Variants in FSHR observed in about 807,000 individuals in gnomAD.
The protein encoded by FSHR is follicle stimulating hormone receptor.
Under a neutral mutation model 52.1 loss-of-function variants are expected in FSHR, and 46 were observed. The observed-to-expected ratio is 0.88, with a 90% CI of 0.70 to 1.13. The LOEUF (loss-of-function observed/expected upper bound fraction) is 1.13, where lower values mean the gene tolerates loss of function less well. FSHR is among the 50% of genes most tolerant of loss of function. The pLI, the probability that FSHR is intolerant of heterozygous loss-of-function variation, is 0.00. For synonymous variants in FSHR, 399 were observed against 309.6 expected (o/e 1.29, Z -3.03); for missense variants, 964 against 834.6 (o/e 1.16, Z -1.91).
intron 1 of FSHR, among the ~76,000 whole-genome samples, chr2:49,124,617 C>T (rs781308233): frequency 6.6e-6 from 1 of 151,978 alleles, no homozygotes; most frequent in Non-Finnish European, 1.5e-5. Flanking sequence ...TCTCATGTCC[C>T]CAATTAGACT....
Position 49,105,518 on chromosome 2 carries a change from G to A in FSHR, c.153-37228C>T, listed in dbSNP as rs371725750. Among the ~76,000 whole-genome samples the A allele has an allele frequency of 5.3e-5, 8 of 152,230 alleles. No individual in the cohort carries two copies. In the East Asian group the frequency reaches 5.8e-4, roughly 11 times the overall value. On this transcript the variant is annotated intron_variant, in intron 1 of 9. Transcript: ENST00000406846. ...GGTTGGCAATTAAACTTCAAGAGTC[G>A]TGAGGCTGGGCAAAAATAAATGGAA...
At chr2:48,977,459 G>A (rs941025678) in intron 8 of FSHR, among the ~76,000 whole-genome samples, 1 of 152,154 alleles carries the variant, frequency 6.6e-6, no homozygotes, top group African/African-American at 2.4e-5. Flanking sequence ...GTAAACTAAT[G>A]GAAGGGGAAA....
At chr2:49,108,535 CT>C (rs1476948798) in intron 1 of FSHR, among the ~76,000 whole-genome samples, 1 of 152,138 alleles carries the variant, frequency 6.6e-6, no homozygotes, top group Non-Finnish European at 1.5e-5. Context: ...TTGGATCTGG[CT>C]GCAAACTAGG....
At chr2:49,047,251 G>A (rs544364433) in intron 2 of FSHR, among the ~76,000 whole-genome samples, 73 of 152,290 alleles carry the variant, frequency 4.8e-4, no homozygotes, top group South Asian at 1.5e-3. Context: ...TGGACTGAGA[G>A]GTTATATGTA....
At chr2:49,151,085 C>G (rs1034436108) in intron 1 of FSHR, among the ~76,000 whole-genome samples, 2 of 149,668 alleles carry the variant, frequency 1.3e-5, no homozygotes, top group African/African-American at 4.9e-5. Flanking sequence ...TGAGTAGTTG[C>G]AAGAAGTGGT....
intron 1 of FSHR, among the ~76,000 whole-genome samples, chr2:49,079,962 C>G (rs907646334): frequency 6.6e-6 from 1 of 152,088 alleles, no homozygotes; most frequent in African/African-American, 2.4e-5. Flanking sequence ...ATTTGCAACA[C>G]ATGCCAGTAA....
chr2:49,035,764 T>C (rs997468211), intron 2 of FSHR, among the ~76,000 whole-genome samples: 3 of 152,200 alleles, frequency 2.0e-5, no homozygotes, highest in African/African-American at 7.2e-5. Flanking sequence ...TGTATGTTAC[T>C]ATTTACAGGC....
chr2:49,032,569 C>A (rs1668136309), intron 2 of FSHR, among the ~76,000 whole-genome samples: 1 of 152,196 alleles, frequency 6.6e-6, no homozygotes, highest in African/African-American at 2.4e-5. Context: ...GACTGACTTT[C>A]AATGTTTCCT....
At chr2:49,078,474 G>C (rs144082817) in intron 1 of FSHR, among the ~76,000 whole-genome samples, 1 of 152,056 alleles carries the variant, frequency 6.6e-6, no homozygotes, top group Non-Finnish European at 1.5e-5. Flanking sequence ...AGTAGACAGG[G>C]ACAATAAAAG....
chr2:49,022,888 A>G (rs981284595), intron 2 of FSHR, among the ~76,000 whole-genome samples: 2 of 152,200 alleles, frequency 1.3e-5, no homozygotes, highest in African/African-American at 4.8e-5. Flanking sequence ...CTCAAATGCT[A>G]ACACACATGA....
intron 1 of FSHR, among the ~76,000 whole-genome samples, chr2:49,122,006 C>T (rs1261056911): frequency 6.6e-6 from 1 of 152,164 alleles, no homozygotes. Context: ...ACCGCTCAGT[C>T]AGGCAACATG....
At chr2:48,989,647 T>C (rs1478428533) in intron 5 of FSHR, among the ~76,000 whole-genome samples, 1 of 152,202 alleles carries the variant, frequency 6.6e-6, no homozygotes, top group African/African-American at 2.4e-5. Context: ...TAAGCTGACC[T>C]TTCACCTCTT....
At position 49,087,064 on chromosome 2, in the gene FSHR, G is replaced by A. The variant is rs199852641; in HGVS notation, c.153-18774C>T. 5.8e-3 allele frequency among the ~76,000 whole-genome samples: 771 copies of A among 132,520 alleles called. 6 individuals carry two copies. The highest frequency in any genetic ancestry group is 8.7e-3 in the Non-Finnish European group (539 of 62,250). 86.9% of individuals were successfully genotyped at this position (132,520 alleles called of 152,430 possible). A position where few individuals can be genotyped will look rare whatever the true frequency, so the allele number is the denominator to read the frequency against. ...TGCTCAGTAGTTGAGGGACCCTGTG[G>A]GCAGGGTTTTTTTTTTTTTTTTTTT... On this transcript the variant is annotated intron_variant, in intron 1 of 9. Transcript: ENST00000406846.
intron 2 of FSHR, among the ~76,000 whole-genome samples, chr2:49,053,764 T>C (rs1355623183): frequency 6.6e-6 from 1 of 152,174 alleles, no homozygotes; most frequent in East Asian, 1.9e-4. Context: ...ACTGGGATAA[T>C]AAATGAGGAA....
chr2:48,979,593 C>T (rs1335640469), intron 8 of FSHR, among the ~76,000 whole-genome samples: 1 of 152,166 alleles, frequency 6.6e-6, no homozygotes, highest in Non-Finnish European at 1.5e-5. Flanking sequence ...CCAGGGACAG[C>T]CTGCACCCAA....
chr2:49,020,007 G>A, intron 3 of FSHR, 79 bp downstream of exon 3: 1 of 1,208,072 alleles, frequency 8.3e-7, no homozygotes, highest in Admixed American at 1.7e-5. Context: ...GCAGAATCAG[G>A]GCCTCCCAGG....
intron 1 of FSHR, among the ~76,000 whole-genome samples, chr2:49,081,536 T>C (rs1009342585): frequency 6.6e-6 from 1 of 152,182 alleles, no homozygotes; most frequent in African/African-American, 2.4e-5. Flanking sequence ...TATTAATTCA[T>C]TTGTTTTTAA....
At chr2:49,021,586 A>T (rs1572644329) in intron 2 of FSHR, among the ~76,000 whole-genome samples, 1 of 151,538 alleles carries the variant, frequency 6.6e-6, no homozygotes, top group Non-Finnish European at 1.5e-5. Flanking sequence ...GGGAAGTGTG[A>T]CTGTGAGCAG....
At chr2:49,008,982 G>A (rs1382544891) in intron 4 of FSHR, among the ~76,000 whole-genome samples, 2 of 151,862 alleles carry the variant, frequency 1.3e-5, no homozygotes, top group African/African-American at 4.8e-5. Flanking sequence ...TAGGTTGCCT[G>A]TTCCCTCTGA....
Sources: gnomAD v4.1 joint callset for allele counts (sites outside exome capture counted in the v4.1 genomes callset) on GRCh38, gnomAD v4.1.1 for gene constraint, MANE v1.5 for transcripts, NCBI Gene and HGNC (gene_info 2026-07-23, HGNC 2026-07-21) for gene names.